OPCML: variants seen among roughly 807,000 people sequenced by gnomAD.
OPCML encodes the protein opioid binding protein/cell adhesion molecule like.
OPCML carries 13 observed loss-of-function variants against 37.8 expected under a neutral mutation model. The ratio of observed to expected loss-of-function variants is 0.34; its 90% CI spans 0.22 to 0.55. The LOEUF is 0.55. Among genes scored for constraint, OPCML ranks in the 20% least tolerant of loss-of-function variants. OPCML has a pLI of 0.91. For synonymous variants in OPCML, 176 were observed against 168.8 expected, an observed-to-expected ratio of 1.04 and a Z score of -0.33; for missense variants, 341 against 435.6, an observed-to-expected ratio of 0.78 and a Z score of 1.93.
At chr11:133,095,180 C>T (rs549498791) in intron 1 of OPCML, among the ~76,000 whole-genome samples, 2 of 151,170 alleles carry the variant, frequency 1.3e-5, no homozygotes, top group Admixed American at 6.6e-5. Flanking sequence ...AAATTGTATG[C>T]TCATCTTCAT....
chr11:132,469,632 GTGTA>G lies in OPCML; in HGVS notation c.506-32277_506-32274del, dbSNP rs1482907697. Among the ~76,000 whole-genome samples, 6 of 134,680 alleles carry G rather than the reference GTGTA, an allele frequency of 4.5e-5. No homozygotes were observed. In the South Asian group the frequency reaches 7.2e-4, roughly 16 times the overall value. 88.4% of individuals were successfully genotyped at this position (134,680 alleles called of 152,430 possible). ...ATGTGTGTATGTGTGTGGGGTGTGT[GTGTA>G]TGTGTGTGGGGGTGTATGTGTGTGG... On this transcript the variant is annotated intron_variant, in intron 4 of 7. Transcript: ENST00000524381.
At chr11:132,942,848 C>A (rs748915441) in intron 2 of OPCML, 78 bp downstream of exon 2, 6 of 1,574,110 alleles carry the variant, frequency 3.8e-6, no homozygotes, top group Middle Eastern at 1.7e-4. Flanking sequence ...CCCCATGGAG[C>A]CTTCTGCCCC....
chr11:132,437,474 T>C, intron 4 of OPCML, 115 bp from the exon 5 acceptor site: 3 of 1,510,050 alleles, frequency 2.0e-6, no homozygotes, highest in Non-Finnish European at 2.6e-6. Flanking sequence ...CAGAATGGAG[T>C]AGGACATCAA....
At chr11:133,353,955 T>C (rs971435446) in intron 1 of OPCML, among the ~76,000 whole-genome samples, 1 of 149,816 alleles carries the variant, frequency 6.7e-6, no homozygotes, top group Non-Finnish European at 1.5e-5. Context: ...CCATTTATTT[T>C]AGGCTATGGA....
intron 3 of OPCML, among the ~76,000 whole-genome samples, chr11:132,612,573 G>T (rs1938720969): frequency 6.6e-6 from 1 of 152,146 alleles, no homozygotes; most frequent in Non-Finnish European, 1.5e-5. Flanking sequence ...GAAGCTGGGG[G>T]TTGATAGCAG....
chr11:133,456,228 C>T (rs1946669001), intron 1 of OPCML, among the ~76,000 whole-genome samples: 1 of 152,146 alleles, frequency 6.6e-6, no homozygotes, highest in East Asian at 1.9e-4. Flanking sequence ...GGGTGAGACT[C>T]TCTGGCAAAT....
chr11:133,322,910 G>C (rs896803659), intron 1 of OPCML, among the ~76,000 whole-genome samples: 1 of 152,294 alleles, frequency 6.6e-6, no homozygotes, highest in Non-Finnish European at 1.5e-5. Context: ...AAACAACTGA[G>C]CAATTAGGAA....
At chr11:132,451,321 G>T (rs2096067811) in intron 4 of OPCML, among the ~76,000 whole-genome samples, 2 of 147,382 alleles carry the variant, frequency 1.4e-5, no homozygotes, top group South Asian at 4.5e-4. Context: ...TATTAACTTT[G>T]TCGAATTAGC....
intron 1 of OPCML, among the ~76,000 whole-genome samples, chr11:133,286,171 C>A (rs965232479): frequency 5.3e-5 from 8 of 152,142 alleles, no homozygotes; most frequent in Non-Finnish European, 1.2e-4. Context: ...ATTCACCTTG[C>A]TGGGCGCGGT....
chr11:133,160,206 CAG>C (rs1950122736), intron 1 of OPCML, among the ~76,000 whole-genome samples: 1 of 152,168 alleles, frequency 6.6e-6, no homozygotes, highest in Non-Finnish European at 1.5e-5. Context: ...TTATGAAAAA[CAG>C]AGCAATTCCA....
intron 1 of OPCML, among the ~76,000 whole-genome samples, chr11:133,151,219 G>A (rs1949979413): frequency 6.6e-6 from 1 of 152,072 alleles, no homozygotes; most frequent in African/African-American, 2.4e-5. Flanking sequence ...GTTGCAGTGA[G>A]CTGAGATTAT....
At chr11:132,578,116 G>A (rs1408417485) in intron 3 of OPCML, among the ~76,000 whole-genome samples, 5 of 152,128 alleles carry the variant, frequency 3.3e-5, no homozygotes, top group Admixed American at 6.6e-5. Flanking sequence ...ATGCATGAAT[G>A]CCCCTTCAGG....
At chr11:133,218,022 A>G (rs476511) in intron 1 of OPCML, among the ~76,000 whole-genome samples, 52,697 of 150,430 alleles carry the variant, frequency 0.35, 10,584 homozygotes, top group African/African-American at 0.53. Context: ...CTCCAGCCTG[A>G]ACAACAGAGA....
At chr11:133,436,723 A>G (rs1946240814) in intron 1 of OPCML, among the ~76,000 whole-genome samples, 1 of 152,172 alleles carries the variant, frequency 6.6e-6, no homozygotes, top group African/African-American at 2.4e-5. Context: ...TAGTTACTAA[A>G]ATTGTCAGTT....
chr11:132,639,085 C>T (rs920549868), intron 3 of OPCML, among the ~76,000 whole-genome samples: 1 of 152,198 alleles, frequency 6.6e-6, no homozygotes. Flanking sequence ...GCTCTACACC[C>T]TTGCATTCAA....
intron 1 of OPCML, among the ~76,000 whole-genome samples, chr11:133,292,108 C>T (rs1455256049): frequency 1.3e-5 from 2 of 152,184 alleles, no homozygotes; most frequent in African/African-American, 2.4e-5. Context: ...AACAAAGCCC[C>T]GTGCTGGCTG....
At chr11:132,488,093 G>A (rs781427719) in intron 4 of OPCML, among the ~76,000 whole-genome samples, 4 of 152,276 alleles carry the variant, frequency 2.6e-5, no homozygotes, top group Non-Finnish European at 4.4e-5. Flanking sequence ...CTCCCCAACC[G>A]CATGCCTATG....
intron 2 of OPCML, among the ~76,000 whole-genome samples, chr11:132,802,946 T>G (rs1288971325): frequency 6.6e-6 from 1 of 152,154 alleles, no homozygotes. Context: ...TCACTTAGAA[T>G]TAAAGGTAGA....
At chr11:132,834,723 TCATTTTAAC>T (rs1397706613) in intron 2 of OPCML, among the ~76,000 whole-genome samples, 1 of 152,176 alleles carries the variant, frequency 6.6e-6, no homozygotes, top group Non-Finnish European at 1.5e-5. Context: ...CCTGATGACC[TCATTTTAAC>T]TCGATCACAC....
Sources: gnomAD v4.1 joint callset for allele counts (sites outside exome capture counted in the v4.1 genomes callset) on GRCh38, gnomAD v4.1.1 for gene constraint, MANE v1.5 for transcripts, NCBI Gene and HGNC (gene_info 2026-07-23, HGNC 2026-07-21) for gene names.